CFAP20DC: variants seen among roughly 807,000 people sequenced by gnomAD.
CFAP20DC encodes the protein CFAP20 domain containing.
In CFAP20DC, 84 loss-of-function variants were observed where a neutral mutation model predicts 101.7. That is an observed-to-expected ratio of 0.83 (90% confidence interval 0.69 to 0.99). The LOEUF (loss-of-function observed/expected upper bound fraction) is 0.99. Among genes scored for constraint, CFAP20DC ranks in the 50% least tolerant of loss-of-function variants. CFAP20DC has a pLI of 0.00. For synonymous variants in CFAP20DC, 359 were observed against 351.2 expected (o/e 1.02, Z -0.25); for missense variants, 1,007 against 970.3 (o/e 1.04, Z -0.50).
At chr3:58,890,337 G>A (rs2082073245) in intron 6 of CFAP20DC, among the ~76,000 whole-genome samples, 1 of 146,446 alleles carries the variant, frequency 6.8e-6, no homozygotes, top group African/African-American at 2.5e-5. Flanking sequence ...TCCCGGACGG[G>A]GCGGCTGGCC....
At chr3:58,953,214 G>C (rs1455045969) in intron 4 of CFAP20DC, among the ~76,000 whole-genome samples, 1 of 152,130 alleles carries the variant, frequency 6.6e-6, no homozygotes, top group Non-Finnish European at 1.5e-5. Flanking sequence ...AAGACTGTGT[G>C]AAAAGCCAAA....
chr3:58,736,008 T>C (rs2107100946), intron 3 of CFAP20DC, among the ~76,000 whole-genome samples: 1 of 152,220 alleles, frequency 6.6e-6, no homozygotes, highest in Admixed American at 6.5e-5. Flanking sequence ...TTGATAATGG[T>C]GATGTTCTTG....
rs185924884 is a variant in CFAP20DC at position 58,721,255 on chromosome 3, T to C, written c.198-3627A>G. Among the ~76,000 whole-genome samples, 6 of 152,306 alleles carry C rather than the reference T, an allele frequency of 3.9e-5. No homozygotes were observed. The highest frequency in any genetic ancestry group is 1.4e-4 in the African/African-American group (6 of 41,564). On this transcript the variant is annotated intron_variant, in intron 3 of 3. Coordinates refer to the CFAP20DC transcript ENST00000486145. The surrounding 1 kb of genome is among the most constrained non-coding windows in gnomAD (Gnocchi z 5.2). ...ATATAAATATGTTCCAACACGTTTA[T>C]TAAACACCTTATCTGGGCCAGGGAT...
intron 14 of CFAP20DC, among the ~76,000 whole-genome samples, chr3:58,819,851 T>A (rs975172287): frequency 4.0e-5 from 6 of 149,028 alleles, no homozygotes; most frequent in Non-Finnish European, 8.9e-5. Flanking sequence ...AAAGAGAATT[T>A]TAGACCAATA....
intron 4 of CFAP20DC, among the ~76,000 whole-genome samples, chr3:59,039,203 T>C (rs1245893327): frequency 1.3e-5 from 2 of 152,092 alleles, no homozygotes; most frequent in Admixed American, 6.6e-5. Flanking sequence ...TGACCAACCA[T>C]AGTTTTGAAT....
At chr3:58,838,075 A>G (rs1036822885) in intron 13 of CFAP20DC, among the ~76,000 whole-genome samples, 52 of 152,304 alleles carry the variant, frequency 3.4e-4, no homozygotes, top group Admixed American at 3.2e-3. Context: ...TGGAGAGAAG[A>G]CAGTAGCCAC....
intron 7 of CFAP20DC, among the ~76,000 whole-genome samples, chr3:58,879,002 C>T (rs904248664): frequency 6.7e-6 from 1 of 149,698 alleles, no homozygotes; most frequent in African/African-American, 2.5e-5. Context: ...AGCGAGACTT[C>T]GTCTCCGAAA....
intron 15 of CFAP20DC, among the ~76,000 whole-genome samples, chr3:58,801,247 T>C (rs1254724235): frequency 6.6e-6 from 1 of 151,974 alleles, no homozygotes; most frequent in African/African-American, 2.4e-5. Flanking sequence ...AGGTAATGAA[T>C]CTTTTCCTAG....
intron 12 of CFAP20DC, chr3:58,862,400 A>C: frequency 1.0e-6 from 1 of 985,466 alleles, no homozygotes; most frequent in Middle Eastern, 5.2e-4. Flanking sequence ...TCCAGCAGCA[A>C]CACTTAAAAT....
chr3:58,810,409 C>A (rs1401436727), intron 14 of CFAP20DC, among the ~76,000 whole-genome samples: 1 of 152,124 alleles, frequency 6.6e-6, no homozygotes, highest in Admixed American at 6.6e-5. Flanking sequence ...ATACGCAAAT[C>A]AATAAATGTA....
chr3:58,823,512 A>G (rs1190485430), intron 14 of CFAP20DC, among the ~76,000 whole-genome samples: 1 of 152,120 alleles, frequency 6.6e-6, no homozygotes, highest in African/African-American at 2.4e-5. Flanking sequence ...ATCTTATTTG[A>G]TCCTCAGAGC....
At chr3:58,880,820 G>A (rs188830075) in intron 7 of CFAP20DC, among the ~76,000 whole-genome samples, 9 of 152,034 alleles carry the variant, frequency 5.9e-5, no homozygotes, top group Non-Finnish European at 1.3e-4. Context: ...AGGGAAAAAG[G>A]ATATATGATT....
chr3:59,030,652 C>A (rs2093973206), intron 4 of CFAP20DC, among the ~76,000 whole-genome samples: 1 of 152,130 alleles, frequency 6.6e-6, no homozygotes, highest in Non-Finnish European at 1.5e-5. Context: ...CCCCAACACC[C>A]CTCGAAATGT....
At position 59,050,021 on chromosome 3, in the gene CFAP20DC, G is replaced by C. The variant is rs1269244296; in HGVS notation, c.-390C>G. 6.5e-5 allele frequency: 14 copies of C among 214,428 alleles called. No individual in the cohort carries two copies. Among genetic ancestry groups the C allele is most frequent in the Admixed American group, 5.7e-4 (11 of 19,336 alleles). The allele number at this position is 214,428 out of a possible 1,614,324, so 13.3% of individuals were successfully genotyped here. Reference sequence around the variant, plus strand: ...GCGCTCCCGCTGCCGCCCCACCCCAGAATCAAACCGCGAAAGAGCAGCGCC... The same window carrying C: ...GCGCTCCCGCTGCCGCCCCACCCCACAATCAAACCGCGAAAGAGCAGCGCC... On this transcript the variant is annotated 5_prime_UTR_variant, in exon 1 of 17. Transcript: ENST00000482387.
chr3:58,846,375 C>G (rs1191273636), intron 13 of CFAP20DC, among the ~76,000 whole-genome samples: 1 of 151,030 alleles, frequency 6.6e-6, no homozygotes, highest in East Asian at 1.9e-4. Context: ...CAACAACAGA[C>G]AAACAGAGAG....
At chr3:58,931,655 G>A (rs1374773952) in intron 5 of CFAP20DC, among the ~76,000 whole-genome samples, 2 of 135,640 alleles carry the variant, frequency 1.5e-5, no homozygotes, top group Non-Finnish European at 3.1e-5. Context: ...CGGATACCCA[G>A]GCAAATAGGG....
In CFAP20DC at chr3:58,722,136, T is replaced by A. The variant is rs981191534; in HGVS notation, c.198-4508A>T. ...AGTCAAGCCATGTGGAGAGGCCACA[T>A]GTAGACCCTCTGGTCAATGGTCCCA... On this transcript the variant is annotated intron_variant, in intron 3 of 3. Transcript: ENST00000486145. This position sits in a 1 kb window ranked among gnomAD's most constrained non-coding sequence, Gnocchi z 4.5. Among the ~76,000 whole-genome samples the A allele has an allele frequency of 1.3e-5, 2 of 152,226 alleles. No individual in the cohort carries two copies. Among genetic ancestry groups the A allele is most frequent in the Non-Finnish European group, 2.9e-5 (2 of 68,046 alleles).
chr3:58,966,834 A>AT (rs1019493891), intron 4 of CFAP20DC, among the ~76,000 whole-genome samples: 9 of 152,114 alleles, frequency 5.9e-5, no homozygotes, highest in African/African-American at 2.2e-4. Context: ...TGAAAAATAT[A>AT]TTTTTTAAAA....
At chr3:59,012,620 T>G (rs1242597188) in intron 4 of CFAP20DC, among the ~76,000 whole-genome samples, 1 of 152,168 alleles carries the variant, frequency 6.6e-6, no homozygotes, top group Non-Finnish European at 1.5e-5. Flanking sequence ...AGTAGGAAAA[T>G]AATAAAATCA....
Sources: gnomAD v4.1 joint callset for allele counts (sites outside exome capture counted in the v4.1 genomes callset) on GRCh38, gnomAD v4.1.1 for gene constraint, Gnocchi (gnomAD v3.1) non-coding constraint, MANE v1.5 for transcripts, NCBI Gene and HGNC (gene_info 2026-07-23, HGNC 2026-07-21) for gene names.